The following ITSN1 variants were observed in gnomAD, a reference collection of about 807,000 sequenced individuals.
The protein encoded by ITSN1 is intersectin-1.
Under a neutral mutation model 239.8 loss-of-function variants are expected in ITSN1, and 58 were observed. That is an observed-to-expected ratio of 0.24 (90% confidence interval 0.20 to 0.30). The LOEUF (loss-of-function observed/expected upper bound fraction) is 0.30. Ranked by LOEUF, ITSN1 falls within the 10% of genes least tolerant of loss-of-function variation. The probability of loss-of-function intolerance (pLI) is 1.00; values close to 1 mark genes in which losing one functional copy is unlikely to be tolerated. For missense variants in ITSN1, 1,558 were observed against 2,103.3 expected (o/e 0.74, Z 5.07); for synonymous variants, 780 against 770.8 (o/e 1.01, Z -0.20).
chr21:33,755,967 C>T (rs1387827307), intron 8 of ITSN1, among the ~76,000 whole-genome samples: 1 of 152,140 alleles, frequency 6.6e-6, no homozygotes, highest in Admixed American at 6.6e-5. Flanking sequence ...TTTTAGCATA[C>T]TGTTCAAAAT....
intron 16 of ITSN1, among the ~76,000 whole-genome samples, chr21:33,785,733 A>G (rs1353013774): frequency 6.6e-6 from 1 of 152,236 alleles, no homozygotes; most frequent in Non-Finnish European, 1.5e-5. Context: ...AAATGGCTCC[A>G]TATTCAAAGT....
At chr21:33,831,641 G>A (rs1269557335) in intron 27 of ITSN1, among the ~76,000 whole-genome samples, 2 of 152,072 alleles carry the variant, frequency 1.3e-5, no homozygotes, top group African/African-American at 4.8e-5. Context: ...GGAAGGCCTC[G>A]GGTCTCACAC....
chr21:33,845,048 T>G (rs1794022941), intron 29 of ITSN1, among the ~76,000 whole-genome samples: 1 of 151,846 alleles, frequency 6.6e-6, no homozygotes, highest in Admixed American at 6.6e-5. Context: ...CTGAGGTACA[T>G]GGAACCGGCC....
At position 33,704,047 on chromosome 21, in the gene ITSN1, G is replaced by A. The variant is rs554005821; in HGVS notation, c.-32-14750G>A. On this transcript the variant is annotated intron_variant, in intron 1 of 39. Coordinates refer to ENST00000381318, the MANE Select transcript of ITSN1 (RefSeq NM_003024.3). Reference sequence around the variant, plus strand: ...AGGTATGTTTCTGTTTGTTTTCAGCGTAGGTGACCTACCTTATGCTGCTGA... The same window carrying A: ...AGGTATGTTTCTGTTTGTTTTCAGCATAGGTGACCTACCTTATGCTGCTGA... 2.6e-5 allele frequency among the ~76,000 whole-genome samples: 4 copies of A among 152,296 alleles called. No homozygotes were observed. The South Asian group carries it at 6.2e-4, about 24-fold the overall frequency.
chr21:33,724,945 T>G (rs1416629035), intron 4 of ITSN1, among the ~76,000 whole-genome samples: 2 of 151,230 alleles, frequency 1.3e-5, no homozygotes, highest in African/African-American at 4.9e-5. Flanking sequence ...GTGGCCACCA[T>G]GCCTGGCAAA....
chr21:33,819,904 C>T (rs1253642462), intron 24 of ITSN1, among the ~76,000 whole-genome samples: 1 of 152,074 alleles, frequency 6.6e-6, no homozygotes, highest in African/African-American at 2.4e-5. Flanking sequence ...ATGGCGTGAA[C>T]CCGGGAAGCG....
At chr21:33,820,739 A>G (rs764704608) in intron 24 of ITSN1, among the ~76,000 whole-genome samples, 51 of 152,212 alleles carry the variant, frequency 3.4e-4, no homozygotes, top group Non-Finnish European at 5.9e-5. Context: ...TTCCCTTTAT[A>G]CATTCTCATT....
At chr21:33,663,893 A>G (rs2089742335) in intron 1 of ITSN1, among the ~76,000 whole-genome samples, 1 of 152,136 alleles carries the variant, frequency 6.6e-6, no homozygotes, top group South Asian at 2.1e-4. Context: ...GAGCCACCAC[A>G]CCCGGCCTCT....
chr21:33,794,646 C>T (rs1485519998), intron 17 of ITSN1, among the ~76,000 whole-genome samples, 178 bp downstream of exon 17: 1 of 152,160 alleles, frequency 6.6e-6, no homozygotes, highest in African/African-American at 2.4e-5. Flanking sequence ...GTATCAGTAC[C>T]CTCTGAAGTT....
intron 29 of ITSN1, among the ~76,000 whole-genome samples, chr21:33,839,753 A>G (rs961433039): frequency 2.6e-5 from 4 of 152,186 alleles, no homozygotes; most frequent in African/African-American, 9.7e-5. Context: ...AGCTTTGTGA[A>G]GTTGACATGG....
intron 34 of ITSN1, among the ~76,000 whole-genome samples, chr21:33,879,013 G>A (rs147623055): frequency 3.3e-5 from 5 of 152,210 alleles, no homozygotes; most frequent in African/African-American, 7.2e-5. Context: ...GGGGACTCTC[G>A]GGCCCTGGAG....
intron 1 of ITSN1, among the ~76,000 whole-genome samples, chr21:33,667,307 C>A (rs1369536378): frequency 6.6e-6 from 1 of 151,478 alleles, no homozygotes; most frequent in Non-Finnish European, 1.5e-5. Flanking sequence ...TTGTGATCCT[C>A]AATAATTTTT....
At chr21:33,768,769 T>A (rs1401055239) in intron 11 of ITSN1, among the ~76,000 whole-genome samples, 1 of 152,246 alleles carries the variant, frequency 6.6e-6, no homozygotes, top group Non-Finnish European at 1.5e-5. Flanking sequence ...AGCAGTTAAT[T>A]GGTCTGGTCA....
chr21:33,831,150 C>A lies in ITSN1; in HGVS notation c.3351+1405C>A, dbSNP rs574782443. 2.6e-5 allele frequency among the ~76,000 whole-genome samples: 4 copies of A among 152,306 alleles called. No homozygotes were observed. In the South Asian group the frequency reaches 8.3e-4, roughly 32 times the overall value. Reference sequence around the variant, plus strand: ...GTGTCTCCCTCCCCGCATCCTCCCCCATCCAAAGTGAAGATCAGCCTCAGA... The same window carrying A: ...GTGTCTCCCTCCCCGCATCCTCCCCAATCCAAAGTGAAGATCAGCCTCAGA... On this transcript the variant is annotated intron_variant, in intron 27 of 39. Transcript: ENST00000381318.
intron 14 of ITSN1, among the ~76,000 whole-genome samples, chr21:33,780,305 C>T (rs2070055791): frequency 6.6e-6 from 1 of 152,076 alleles, no homozygotes; most frequent in Non-Finnish European, 1.5e-5. Flanking sequence ...AATCAAGATT[C>T]CCAAAAATGT....
intron 26 of ITSN1, 120 bp from the exon 27 acceptor site, chr21:33,829,504 C>G: frequency 9.6e-7 from 1 of 1,043,180 alleles, no homozygotes; most frequent in Non-Finnish European, 1.4e-6. Context: ...GGTAGAAATC[C>G]AGCTCAATAC....
chr21:33,870,103 A>G (rs1569324460), intron 33 of ITSN1, among the ~76,000 whole-genome samples: 1 of 152,176 alleles, frequency 6.6e-6, no homozygotes. Context: ...CCTCCCACAT[A>G]AGCCATCTCC....
At chr21:33,837,931 C>G (rs2074683236) in intron 29 of ITSN1, 1 of 985,618 alleles carries the variant, frequency 1.0e-6, no homozygotes, top group African/African-American at 1.7e-5. Context: ...GTCTCTGTTA[C>G]ATGAAGTTTT....
In ITSN1 at chr21:33,893,641, C is replaced by T. The variant is rs1010145802; in HGVS notation, c.*5341C>T. ...AGACCTCTTCTGGTTAGACCTGACA[C>T]GGAGGAAGTAATTGGCTGGTCAACT... On this transcript the variant is annotated 3_prime_UTR_variant, in exon 40 of 40. Transcript: ENST00000381318. 3.3e-5 allele frequency: 5 copies of T among 152,142 alleles called. No homozygotes were observed. The highest frequency in any genetic ancestry group is 6.6e-5 in the Admixed American group (1 of 15,260). 9.4% of individuals were successfully genotyped at this position (152,142 alleles called of 1,614,324 possible). A position where few individuals can be genotyped will look rare whatever the true frequency, so the allele number is the denominator to read the frequency against.
Sources: allele counts gnomAD v4.1 joint callset (sites outside exome capture counted in the v4.1 genomes callset), GRCh38; gene constraint gnomAD v4.1.1; transcripts MANE v1.5; gene names NCBI Gene and HGNC (gene_info 2026-07-23, HGNC 2026-07-21).